The following SPTLC1 variants were observed in gnomAD, a reference collection of about 807,000 sequenced individuals.
SPTLC1 encodes serine palmitoyltransferase 1.
Under a neutral mutation model 68.9 loss-of-function variants are expected in SPTLC1, and 55 were observed. That is an observed-to-expected ratio of 0.80 (90% confidence interval 0.64 to 1.00). The LOEUF (loss-of-function observed/expected upper bound fraction) is 1.00. Ranked by LOEUF, SPTLC1 falls within the 50% of genes least tolerant of loss-of-function variation. The probability of loss-of-function intolerance (pLI) is 0.00; values close to 1 mark genes in which losing one functional copy is unlikely to be tolerated. For synonymous variants in SPTLC1, 197 were observed against 201.6 expected (o/e 0.98, Z 0.19); for missense variants, 449 against 573.1 (o/e 0.78, Z 2.21).
chr9:92,112,328 C>T, intron 2 of SPTLC1, 127 bp downstream of exon 2: 2 of 691,540 alleles, frequency 2.9e-6, no homozygotes, highest in South Asian at 1.6e-5. Flanking sequence ...AATTCATTCC[C>T]CTTGATTTCC....
chr9:92,067,064 G>A (rs892008645), intron 6 of SPTLC1, among the ~76,000 whole-genome samples: 11 of 151,908 alleles, frequency 7.2e-5, no homozygotes, highest in African/African-American at 1.7e-4. Flanking sequence ...TTGGGAGGCC[G>A]AGGCAGGTGG....
Position 92,108,751 on chromosome 9 carries a change from G to A in SPTLC1, c.249C>T (p.Asn83=). 1.2e-6 allele frequency: 2 copies of A among 1,606,216 alleles called. No individual in the cohort carries two copies. The highest frequency in any genetic ancestry group is 1.1e-5 in the South Asian group (1 of 90,258). The change falls in exon 3 of 15, where the codon AAC becomes AAT. Residue 83 remains asparagine (N), a synonymous_variant. Transcript: ENST00000262554. Reference sequence around the variant, plus strand: ...CAAAATCAATTTACCCTGAAACGATGTTGTAGTTGAGAGCAGGATGGTCTT... The same window carrying A: ...CAAAATCAATTTACCCTGAAACGATATTGTAGTTGAGAGCAGGATGGTCTT... ...VPKDHPALNY[N]IVSGPPSHKT...
rs533609583 is a variant in SPTLC1, at chr9:92,082,969, T to C, written c.261-2006A>G. Among the ~76,000 whole-genome samples, 4 of 152,366 alleles carry C rather than the reference T, an allele frequency of 2.6e-5. No homozygotes were observed. In the South Asian group the frequency reaches 6.2e-4, roughly 24 times the overall value. ...AGATGGTATCTCATTATGGTTTTGATTTGCATTTCTCTCATGGCCAGTGAT... is the reference window on the plus strand; with the variant it reads ...AGATGGTATCTCATTATGGTTTTGACTTGCATTTCTCTCATGGCCAGTGAT... On this transcript the variant is annotated intron_variant, in intron 3 of 14. Coordinates refer to ENST00000262554, the MANE Select transcript of SPTLC1 (RefSeq NM_006415.4).
At chr9:92,045,976 G>C in intron 12 of SPTLC1, 23 bp downstream of exon 12, 1 of 1,604,176 alleles carries the variant, frequency 6.2e-7, no homozygotes, top group African/African-American at 1.4e-5. Flanking sequence ...ACTTTATGTT[G>C]GTTGAAAATA....
chr9:92,044,070 T>C (rs992739411), intron 12 of SPTLC1, among the ~76,000 whole-genome samples: 6 of 152,202 alleles, frequency 3.9e-5, no homozygotes, highest in African/African-American at 1.2e-4. Context: ...TGAGGTGCCA[T>C]GGAGTCTTCC....
At chr9:92,057,340 T>G (rs1833930027) in intron 7 of SPTLC1, among the ~76,000 whole-genome samples, 1 of 152,232 alleles carries the variant, frequency 6.6e-6, no homozygotes, top group South Asian at 2.1e-4. Context: ...TCGTAAGTTT[T>G]TAAAGACAGC....
At chr9:92,078,169 CCT>C (rs553819808) in intron 5 of SPTLC1, among the ~76,000 whole-genome samples, 25 of 152,154 alleles carry the variant, frequency 1.6e-4, no homozygotes, top group Non-Finnish European at 1.8e-4. Flanking sequence ...GCAAAAACTC[CCT>C]GATATCTAAT....
chr9:92,067,036 G>A (rs931662896), intron 6 of SPTLC1, among the ~76,000 whole-genome samples: 4 of 151,652 alleles, frequency 2.6e-5, no homozygotes, highest in Non-Finnish European at 4.4e-5. Flanking sequence ...GGTGGCTCAC[G>A]CCTGTAATCC....
intron 5 of SPTLC1, among the ~76,000 whole-genome samples, chr9:92,077,685 C>T (rs1282955443): frequency 6.6e-6 from 1 of 152,236 alleles, no homozygotes; most frequent in Non-Finnish European, 1.5e-5. Context: ...ACTAACCATT[C>T]TCACGTACTT....
intron 12 of SPTLC1, among the ~76,000 whole-genome samples, chr9:92,040,324 C>A (rs1181456589): frequency 6.6e-6 from 1 of 151,796 alleles, no homozygotes; most frequent in Admixed American, 6.6e-5. Flanking sequence ...GAGCTGAGAT[C>A]GTGCCACTGC....
chr9:92,038,348 A>G lies in SPTLC1; in HGVS notation c.1154T>C (p.Val385Ala). The stretch of plus-strand genomic sequence containing the variant: ...GGCTGGAGAAAGGGACTCCCCCACC[A>G]CTTTTAATCCAGAAATGCTGAAGAA... The part of the protein sequence containing the change: ...KALQGISGLK[V>A]VGESLSPAFH... The change falls in exon 13 of 15, where the codon GTG (valine) becomes GCG (alanine). Residue 385 changes from valine (V) to alanine (A), a missense_variant. Val to Ala is a moderately conservative substitution (Grantham distance 64, BLOSUM62 0). This residue lies in a region of SPTLC1 where 391 missense variants were observed against 472.1 expected (regional missense o/e 0.83). Coordinates refer to ENST00000262554, the MANE Select transcript of SPTLC1 (RefSeq NM_006415.4). 1 of 1,612,942 alleles carries G rather than the reference A, an allele frequency of 6.2e-7. No homozygotes were observed. Among genetic ancestry groups the G allele is most frequent in the Non-Finnish European group, 8.5e-7 (1 of 1,178,962 alleles).
chr9:92,077,829 A>T (rs76583974), intron 5 of SPTLC1, among the ~76,000 whole-genome samples: 5,412 of 152,186 alleles, frequency 0.036, 130 homozygotes, highest in Non-Finnish European at 0.056. Flanking sequence ...TTCTGTGGCA[A>T]GGTACTCTCC....
At chr9:92,088,060 A>C (rs1378671335) in intron 3 of SPTLC1, among the ~76,000 whole-genome samples, 2 of 152,154 alleles carry the variant, frequency 1.3e-5, no homozygotes, top group East Asian at 3.8e-4. Context: ...CAGGTGAGGG[A>C]TATAATCTCC....
At chr9:92,035,950 C>G (rs938869909) in intron 13 of SPTLC1, among the ~76,000 whole-genome samples, 1 of 152,236 alleles carries the variant, frequency 6.6e-6, no homozygotes, top group African/African-American at 2.4e-5. Context: ...TTTGTAAAAA[C>G]AGTGTCCTGT....
At chr9:92,058,272 G>A (rs1225851080) in intron 7 of SPTLC1, among the ~76,000 whole-genome samples, 1 of 151,402 alleles carries the variant, frequency 6.6e-6, no homozygotes, top group Non-Finnish European at 1.5e-5. Flanking sequence ...AAACAAAGAT[G>A]ACAGAATCCT....
At chr9:92,099,305 AG>A (rs1278992432) in intron 3 of SPTLC1, among the ~76,000 whole-genome samples, 1 of 152,154 alleles carries the variant, frequency 6.6e-6, no homozygotes, top group African/African-American at 2.4e-5. Context: ...AAGGCATGAC[AG>A]GAGCTATTCC....
intron 3 of SPTLC1, among the ~76,000 whole-genome samples, chr9:92,102,745 C>T (rs60956939): frequency 0.011 from 1,730 of 152,182 alleles, 40 homozygotes; most frequent in African/African-American, 0.04. Flanking sequence ...AAAAAAGAAA[C>T]AAAAGATCTA....
At chr9:92,050,811 A>AT (rs370967911) in intron 8 of SPTLC1, 13,456 of 104,890 alleles carry the variant, frequency 0.13, 1,354 homozygotes, top group South Asian at 0.21. Flanking sequence ...CACAATACTG[A>AT]TTTTTTTTTT....
rs1043547770 is a variant in SPTLC1 at position 92,079,717 on chromosome 9, A to G, written c.427+299T>C. ...TCATCAGTGGACTGTGGGCAGAAGT[A>G]TGAGGCCATCTCCCCTGCATAAAGA... is the stretch of plus-strand genomic sequence containing the variant. On this transcript the variant is annotated intron_variant, in intron 5 of 14. Coordinates refer to ENST00000262554, the MANE Select transcript of SPTLC1 (RefSeq NM_006415.4). 215 of 750,210 alleles carry G rather than the reference A, an allele frequency of 2.9e-4. 1 individual carries two copies. The highest frequency in any genetic ancestry group is 2.4e-3 in the African/African-American group (136 of 57,372). 46.5% of individuals were successfully genotyped at this position (750,210 alleles called of 1,614,324 possible).
Sources: allele counts gnomAD v4.1 joint callset (sites outside exome capture counted in the v4.1 genomes callset), GRCh38; gene constraint gnomAD v4.1.1; regional missense constraint gnomAD v4.1.1; transcripts MANE v1.5; gene names NCBI Gene and HGNC (gene_info 2026-07-23, HGNC 2026-07-21).